The following SCFD2 variants were observed in gnomAD, a reference collection of about 807,000 sequenced individuals.
SCFD2 encodes sec1 family domain containing 2.
In SCFD2, 54 loss-of-function variants were observed where a neutral mutation model predicts 58.9. The ratio of observed to expected loss-of-function variants is 0.92; its 90% CI spans 0.74 to 1.15. SCFD2 has a LOEUF of 1.15. Among genes scored for constraint, SCFD2 ranks in the 50% most tolerant of loss-of-function variants. SCFD2 has a pLI of 0.00. For synonymous variants in SCFD2, 321 were observed against 335.9 expected (o/e 0.96, Z 0.49); for missense variants, 805 against 836.6 (o/e 0.96, Z 0.47).
At chr4:53,066,641 C>A (rs1347925871) in intron 5 of SCFD2, among the ~76,000 whole-genome samples, 1 of 151,836 alleles carries the variant, frequency 6.6e-6, no homozygotes, top group African/African-American at 2.4e-5. Flanking sequence ...TGATCTGGGC[C>A]CCCACCCAAC....
rs1255128441 is a variant in SCFD2, at chr4:53,105,746, G to T, written c.1561+39587C>A. Among the ~76,000 whole-genome samples, 6 of 152,284 alleles carry T rather than the reference G, an allele frequency of 3.9e-5. No homozygotes were observed. In the South Asian group the frequency reaches 1.2e-3, roughly 32 times the overall value. ...GGACAGTACACCTGGGGGAAGGAGC[G>T]GCTGTGGGCGCAGCTTCAGCAGACT... On this transcript the variant is annotated intron_variant, in intron 5 of 8. Transcript: ENST00000401642.
intron 4 of SCFD2, among the ~76,000 whole-genome samples, chr4:53,218,468 C>A (rs182002543): frequency 2.3e-4 from 35 of 152,332 alleles, no homozygotes; most frequent in African/African-American, 8.2e-4. Context: ...TCACATGGTT[C>A]TCATGTCATG....
chr4:53,313,745 G>T lies in SCFD2; in HGVS notation c.1026C>A (p.Ala342=), dbSNP rs906888374. ...LSQSSDTTAK[A]LWEALLNTKH... is the part of the protein sequence containing the mutation. ...TAGTGTTCAGTAAAGCTTCCCATAG[G>T]GCTTTGGCTGTGGTGTCACTGCAGG... is the stretch of plus-strand genomic sequence containing the variant. Residue 342 remains alanine (A), a synonymous_variant, in exon 3 of 9, where the codon GCC becomes GCA. Coordinates refer to ENST00000401642, the MANE Select transcript of SCFD2 (RefSeq NM_152540.4). The T allele has an allele frequency of 2.5e-6, 4 of 1,613,836 alleles. No individual in the cohort carries two copies. The Admixed American group carries it at 5.0e-5, about 20-fold the overall frequency.
At chr4:52,908,527 A>C (rs1450173452) in intron 6 of SCFD2, among the ~76,000 whole-genome samples, 1 of 152,184 alleles carries the variant, frequency 6.6e-6, no homozygotes, top group South Asian at 2.1e-4. Flanking sequence ...CCAGTTTCTA[A>C]CAGGGCACAG....
chr4:53,212,967 G>A (rs1296546023), intron 4 of SCFD2, among the ~76,000 whole-genome samples: 1 of 151,884 alleles, frequency 6.6e-6, no homozygotes, highest in Non-Finnish European at 1.5e-5. Context: ...AGGTAGACAG[G>A]TGGCCAAGGA....
chr4:53,180,548 A>G (rs552229435), intron 4 of SCFD2, among the ~76,000 whole-genome samples: 51 of 152,340 alleles, frequency 3.3e-4, no homozygotes, highest in East Asian at 3.3e-3. Context: ...AAGAGAAAGC[A>G]GGAAAGATCT....
At chr4:53,008,079 A>C (rs774104737) in intron 5 of SCFD2, among the ~76,000 whole-genome samples, 1 of 152,226 alleles carries the variant, frequency 6.6e-6, no homozygotes, top group Non-Finnish European at 1.5e-5. Context: ...AGGAGAGTTG[A>C]ATAAAAGGAC....
At chr4:53,242,467 A>T (rs1729929605) in intron 4 of SCFD2, among the ~76,000 whole-genome samples, 1 of 73,384 alleles carries the variant, frequency 1.4e-5, no homozygotes, top group African/African-American at 5.2e-5. Context: ...AGGATAAAAG[A>T]GGAAAAAAAA....
intron 2 of SCFD2, among the ~76,000 whole-genome samples, chr4:53,341,269 G>A (rs746821790): frequency 1.3e-4 from 20 of 152,156 alleles, no homozygotes; most frequent in Non-Finnish European, 2.5e-4. Flanking sequence ...TAAATGACCT[G>A]GTGGAGCTGA....
In SCFD2 at chr4:53,325,577, T is replaced by C. The variant is rs541434246; in HGVS notation, c.1008-11814A>G. Reference sequence around the variant, plus strand: ...TAAGTAAATGAACTAAAAGGCATCGTTGGAATGTGTTTTGTGAGATTGATT... The same window carrying C: ...TAAGTAAATGAACTAAAAGGCATCGCTGGAATGTGTTTTGTGAGATTGATT... On this transcript the variant is annotated intron_variant, in intron 2 of 8. Coordinates refer to ENST00000401642, the MANE Select transcript of SCFD2 (RefSeq NM_152540.4). Among the ~76,000 whole-genome samples the C allele has an allele frequency of 2.4e-4, 36 of 152,298 alleles. No individual in the cohort carries two copies. In the East Asian group the frequency reaches 4.8e-3, roughly 20 times the overall value.
At chr4:53,050,222 T>TAA (rs1340114216) in intron 5 of SCFD2, among the ~76,000 whole-genome samples, 26 of 152,186 alleles carry the variant, frequency 1.7e-4, no homozygotes, top group Admixed American at 3.3e-4. Flanking sequence ...AGCAAGATCT[T>TAA]ACCAGGATAT....
At chr4:53,088,886 C>T (rs1165877334) in intron 5 of SCFD2, among the ~76,000 whole-genome samples, 9 of 152,060 alleles carry the variant, frequency 5.9e-5, no homozygotes, top group African/African-American at 1.9e-4. Context: ...TGTTGAAATA[C>T]TAATCTCCAA....
At position 53,035,918 on chromosome 4, in the gene SCFD2, C is replaced by T. The variant is rs148828547; in HGVS notation, c.1561+109415G>A. Among the ~76,000 whole-genome samples the T allele has an allele frequency of 2.5e-3, 377 of 152,200 alleles. 4 individuals are homozygous for T. The highest frequency in any genetic ancestry group is 0.013 in the Admixed American group (196 of 15,282). On this transcript the variant is annotated intron_variant, in intron 5 of 8. Coordinates refer to ENST00000401642, the MANE Select transcript of SCFD2 (RefSeq NM_152540.4). ...TCCACCATTGTGGAAGACAGTGTGG[C>T]GATTCCTCAAGGATCTAGACCTAGA...
At chr4:53,122,506 T>A (rs1725508452) in intron 5 of SCFD2, among the ~76,000 whole-genome samples, 1 of 152,108 alleles carries the variant, frequency 6.6e-6, no homozygotes, top group Admixed American at 6.6e-5. Context: ...AGCCACTAAA[T>A]GGCACAGCTG....
intron 4 of SCFD2, among the ~76,000 whole-genome samples, chr4:53,194,258 GTTTTCTTTTCC>G (rs1303347875): frequency 2.0e-5 from 3 of 152,038 alleles, no homozygotes; most frequent in Non-Finnish European, 4.4e-5. Context: ...AACGAATGCA[GTTTTCTTTTCC>G]TTTTCACTCC....
intron 4 of SCFD2, among the ~76,000 whole-genome samples, chr4:53,249,144 A>G (rs1730245129): frequency 6.6e-6 from 1 of 152,252 alleles, no homozygotes; most frequent in South Asian, 2.1e-4. Flanking sequence ...AAGGCTCGAG[A>G]ACTACGTGAA....
At chr4:53,326,534 A>G (rs1296934983) in intron 2 of SCFD2, among the ~76,000 whole-genome samples, 2 of 152,216 alleles carry the variant, frequency 1.3e-5, no homozygotes, top group Non-Finnish European at 2.9e-5. Flanking sequence ...TCTACTGTGA[A>G]CATCATTATA....
chr4:53,182,209 A>G lies in SCFD2; in HGVS notation c.1312-36627T>C, dbSNP rs569563369. On this transcript the variant is annotated intron_variant, in intron 4 of 8. Coordinates refer to ENST00000401642, the MANE Select transcript of SCFD2 (RefSeq NM_152540.4). ...CACACTGCCAAGTCAATCCTAAGCC[A>G]AAAGAACAAAGCTGGAGGCATCATG... Among the ~76,000 whole-genome samples, 3 of 152,342 alleles carry G rather than the reference A, an allele frequency of 2.0e-5. No individual in the cohort carries two copies. In the East Asian group the frequency reaches 5.8e-4, roughly 29 times the overall value.
At chr4:53,238,933 G>T (rs1270550560) in intron 4 of SCFD2, among the ~76,000 whole-genome samples, 2 of 152,104 alleles carry the variant, frequency 1.3e-5, no homozygotes, top group African/African-American at 4.8e-5. Context: ...GCCAGGCAGA[G>T]ATGCTCCTCA....
Sources: gnomAD v4.1 joint callset for allele counts (sites outside exome capture counted in the v4.1 genomes callset) on GRCh38, gnomAD v4.1.1 for gene constraint, MANE v1.5 for transcripts, NCBI Gene and HGNC (gene_info 2026-07-23, HGNC 2026-07-21) for gene names.